Variants in SCAPER observed in about 807,000 individuals in gnomAD.
The protein encoded by SCAPER is S phase cyclin A-associated protein in the endoplasmic reticulum.
A neutral mutation model predicts 182.2 loss-of-function variants in SCAPER; 98 were observed. The ratio of observed to expected loss-of-function variants is 0.54; its 90% CI spans 0.46 to 0.64. The LOEUF is 0.64. SCAPER is among the 30% of genes least tolerant of loss of function. The pLI is 0.00. For missense variants in SCAPER, 1,432 were observed against 1,690.0 expected, an observed-to-expected ratio of 0.85 and a Z score of 2.68; for synonymous variants, 605 against 564.6, an observed-to-expected ratio of 1.07 and a Z score of -1.01.
At chr15:76,470,832 T>C (rs1567207002) in intron 25 of SCAPER, among the ~76,000 whole-genome samples, 2 of 152,188 alleles carry the variant, frequency 1.3e-5, no homozygotes, top group Non-Finnish European at 2.9e-5. Context: ...TAACTTAACC[T>C]GGCAAGAGAG....
intron 8 of SCAPER, among the ~76,000 whole-genome samples, chr15:76,784,493 T>C (rs1325728321): frequency 6.6e-6 from 1 of 152,156 alleles, no homozygotes; most frequent in Non-Finnish European, 1.5e-5. Context: ...GCCATCCCCA[T>C]CAAGCTACCA....
intron 14 of SCAPER, among the ~76,000 whole-genome samples, chr15:76,761,785 A>C (rs755124644): frequency 6.6e-6 from 1 of 152,136 alleles, no homozygotes; most frequent in Non-Finnish European, 1.5e-5. Flanking sequence ...AATCCTGTAC[A>C]TATTTCTTAG....
chr15:76,778,698 G>A (rs1325949848), intron 8 of SCAPER, among the ~76,000 whole-genome samples: 4 of 151,634 alleles, frequency 2.6e-5, no homozygotes, highest in Admixed American at 2.6e-4. Context: ...TATACCTATA[G>A]TTTAAGTATG....
intron 22 of SCAPER, among the ~76,000 whole-genome samples, chr15:76,585,965 AAAG>A (rs1159930110): frequency 3.3e-5 from 5 of 152,218 alleles, no homozygotes; most frequent in Non-Finnish European, 4.4e-5. Context: ...TCTAGCATGA[AAAG>A]AAGAAGTGAA....
intron 26 of SCAPER, among the ~76,000 whole-genome samples, chr15:76,433,521 A>C (rs564224597): frequency 1.8e-4 from 27 of 152,220 alleles, no homozygotes; most frequent in Non-Finnish European, 2.2e-4. Context: ...ACAACAACAA[A>C]AAAACAACCA....
At chr15:76,828,905 C>T (rs891296688) in intron 5 of SCAPER, among the ~76,000 whole-genome samples, 1 of 152,088 alleles carries the variant, frequency 6.6e-6, no homozygotes, top group African/African-American at 2.4e-5. Context: ...CAGTGAAAAG[C>T]ATTTAAGGGC....
At chr15:76,404,424 A>G in intron 27 of SCAPER, 100 bp downstream of exon 27, 2 of 1,198,592 alleles carry the variant, frequency 1.7e-6, no homozygotes, top group Non-Finnish European at 2.3e-6. Flanking sequence ...AAGATGGCCA[A>G]GATGACCACT....
intron 20 of SCAPER, among the ~76,000 whole-genome samples, chr15:76,670,511 T>C (rs1289193106): frequency 6.6e-6 from 1 of 152,172 alleles, no homozygotes; most frequent in Admixed American, 6.5e-5. Context: ...TTTAAACAAA[T>C]AGTCAATTAT....
At chr15:76,513,899 A>G (rs2042232610) in intron 23 of SCAPER, among the ~76,000 whole-genome samples, 1 of 152,174 alleles carries the variant, frequency 6.6e-6, no homozygotes, top group Non-Finnish European at 1.5e-5. Context: ...AGTCACTCAG[A>G]TCCCCTCAAC....
chr15:76,572,383 C>T (rs1178172695), intron 23 of SCAPER, among the ~76,000 whole-genome samples: 1 of 152,172 alleles, frequency 6.6e-6, no homozygotes, highest in African/African-American at 2.4e-5. Context: ...ATACTGCATT[C>T]TAGCAAATGT....
intron 2 of SCAPER, 64 bp from the exon 3 acceptor site, chr15:76,862,597 G>T: frequency 9.6e-7 from 1 of 1,037,200 alleles, no homozygotes; most frequent in Non-Finnish European, 1.4e-6. Context: ...ATTTAACAAA[G>T]TCATTATTTC....
chr15:76,498,985 G>C (rs769123208), intron 24 of SCAPER, among the ~76,000 whole-genome samples: 1 of 152,042 alleles, frequency 6.6e-6, no homozygotes, highest in Non-Finnish European at 1.5e-5. Context: ...ATGAATAACT[G>C]GGCATACCTT....
intron 26 of SCAPER, among the ~76,000 whole-genome samples, chr15:76,420,094 T>C (rs1044390166): frequency 5.9e-5 from 9 of 152,110 alleles, no homozygotes; most frequent in Non-Finnish European, 1.3e-4. Flanking sequence ...CATTCCTTCA[T>C]TGAAAAAACT....
chr15:76,733,102 C>CT (rs1207558574), intron 16 of SCAPER, 127 bp downstream of exon 16: 2 of 875,528 alleles, frequency 2.3e-6, no homozygotes, highest in African/African-American at 3.4e-5. Flanking sequence ...ATTTCTTTGT[C>CT]TTATGTCTTT....
intron 1 of SCAPER, among the ~76,000 whole-genome samples, chr15:76,899,142 T>G (rs548801015): frequency 1.3e-5 from 2 of 152,182 alleles, no homozygotes. Context: ...ACAAGAAATA[T>G]GGATATGCTC....
At chr15:76,804,724 G>A in intron 5 of SCAPER, 91 bp from the exon 6 acceptor site, 1 of 729,644 alleles carries the variant, frequency 1.4e-6, no homozygotes, top group Non-Finnish European at 2.1e-6. Flanking sequence ...AGAATTAGTA[G>A]TTTTTACATT....
chr15:76,428,560 G>A (rs2046599383), intron 26 of SCAPER, among the ~76,000 whole-genome samples: 1 of 152,052 alleles, frequency 6.6e-6, no homozygotes, highest in African/African-American at 2.4e-5. Context: ...TCACTCAAGT[G>A]TGTAATCTAT....
At chr15:76,754,092 T>A in intron 14 of SCAPER, 144 bp from the exon 15 acceptor site, 1 of 906,590 alleles carries the variant, frequency 1.1e-6, no homozygotes, top group African/African-American at 1.7e-5. Context: ...GGACACAGAC[T>A]ATGAAGCCAG....
chr15:76,439,651 TGC>T (rs1361795874), intron 25 of SCAPER, among the ~76,000 whole-genome samples: 4 of 152,228 alleles, frequency 2.6e-5, no homozygotes, highest in African/African-American at 7.2e-5. Flanking sequence ...GGGCAATGTG[TGC>T]AAGCAACCTC....
Sources: gnomAD v4.1 joint callset for allele counts (sites outside exome capture counted in the v4.1 genomes callset) on GRCh38, gnomAD v4.1.1 for gene constraint, MANE v1.5 for transcripts, NCBI Gene and HGNC (gene_info 2026-07-23, HGNC 2026-07-21) for gene names.